SLC45A4: variants seen among roughly 807,000 people sequenced by gnomAD.
The protein encoded by SLC45A4 is polyamine-transporter SLC45A4.
SLC45A4 carries 32 observed loss-of-function variants against 63.7 expected under a neutral mutation model. The ratio of observed to expected loss-of-function variants is 0.50; its 90% CI spans 0.38 to 0.67. The LOEUF is 0.67. SLC45A4 is among the 30% of genes least tolerant of loss of function. The pLI, the probability that SLC45A4 is intolerant of heterozygous loss-of-function variation, is 0.00. For synonymous variants in SLC45A4, 535 were observed against 510.0 expected, an observed-to-expected ratio of 1.05 and a Z score of -0.66; for missense variants, 1,027 against 1,157.7, an observed-to-expected ratio of 0.89 and a Z score of 1.64.
intron 2 of SLC45A4, among the ~76,000 whole-genome samples, chr8:141,247,472 T>C (rs1828272061): frequency 6.6e-6 from 1 of 152,248 alleles, no homozygotes; most frequent in Non-Finnish European, 1.5e-5. Context: ...GTCAATTCTC[T>C]ATAGATTCAA....
intron 1 of SLC45A4, among the ~76,000 whole-genome samples, chr8:141,302,521 A>G (rs1050740117): frequency 6.6e-6 from 1 of 151,912 alleles, no homozygotes; most frequent in African/African-American, 2.4e-5. Context: ...TTTAGTAGAG[A>G]TGGTTTTGCC....
At chr8:141,238,294 T>C (rs975053179) in intron 2 of SLC45A4, among the ~76,000 whole-genome samples, 1 of 152,240 alleles carries the variant, frequency 6.6e-6, no homozygotes, top group African/African-American at 2.4e-5. Flanking sequence ...GCCCCTTTTT[T>C]TTTCACATTT....
At chr8:141,262,352 C>A (rs1261302642) in intron 1 of SLC45A4, among the ~76,000 whole-genome samples, 14 of 146,758 alleles carry the variant, frequency 9.5e-5, no homozygotes, top group East Asian at 8.1e-4. Flanking sequence ...GCAACAAAAG[C>A]CAAAATTGAC....
intron 1 of SLC45A4, among the ~76,000 whole-genome samples, chr8:141,274,160 CAG>C (rs1438241194): frequency 1.3e-5 from 2 of 151,896 alleles, no homozygotes; most frequent in Non-Finnish European, 2.9e-5. Context: ...ACCTGGGAGA[CAG>C]AGTTTACAGT....
chr8:141,300,694 C>A (rs1396274077), intron 1 of SLC45A4, among the ~76,000 whole-genome samples: 5 of 152,224 alleles, frequency 3.3e-5, no homozygotes, highest in African/African-American at 1.2e-4. Context: ...AAAGTCTGGC[C>A]ATGTCAGTCT....
chr8:141,230,425 C>A (rs939221716), intron 2 of SLC45A4: 18 of 320,786 alleles, frequency 5.6e-5, no homozygotes, highest in Non-Finnish European at 9.2e-5. Context: ...CAGGGCCCTG[C>A]ACACTCACAG....
At chr8:141,289,178 G>A (rs1019654895) in intron 1 of SLC45A4, among the ~76,000 whole-genome samples, 2 of 152,208 alleles carry the variant, frequency 1.3e-5, no homozygotes, top group Non-Finnish European at 2.9e-5. Context: ...CAGGGCGAGA[G>A]CAGAAGGGGC....
chr8:141,241,767 A>G (rs566093006), intron 2 of SLC45A4, among the ~76,000 whole-genome samples: 1 of 152,120 alleles, frequency 6.6e-6, no homozygotes, highest in African/African-American at 2.4e-5. Context: ...CAGGCCTGGG[A>G]GCCCAGCAAT....
At chr8:141,285,469 G>A (rs1411333595) in intron 1 of SLC45A4, among the ~76,000 whole-genome samples, 3 of 152,178 alleles carry the variant, frequency 2.0e-5, no homozygotes, top group Non-Finnish European at 4.4e-5. Flanking sequence ...AGGTCACGGT[G>A]TGTCATGTTT....
chr8:141,307,927 G>C (rs1372114522), intron 1 of SLC45A4, among the ~76,000 whole-genome samples, 169 bp downstream of exon 1: 1 of 147,836 alleles, frequency 6.8e-6, no homozygotes, highest in African/African-American at 2.5e-5. Context: ...CCGGGTGGGG[G>C]CACGTCCCCT....
intron 3 of SLC45A4, among the ~76,000 whole-genome samples, chr8:141,220,824 G>C (rs1203131360): frequency 6.6e-6 from 1 of 152,268 alleles, no homozygotes; most frequent in African/African-American, 2.4e-5. Flanking sequence ...CGTTGTTCCA[G>C]CAGGGAGGGG....
intron 1 of SLC45A4, among the ~76,000 whole-genome samples, chr8:141,270,648 G>T (rs1244990517): frequency 6.6e-6 from 1 of 152,176 alleles, no homozygotes; most frequent in Non-Finnish European, 1.5e-5. Context: ...TCTAGCCAGG[G>T]TGACAGAGTC....
intron 1 of SLC45A4, among the ~76,000 whole-genome samples, chr8:141,280,928 C>T (rs536696304): frequency 6.6e-6 from 1 of 152,350 alleles, no homozygotes; most frequent in Admixed American, 6.5e-5. Flanking sequence ...CCGGGCTGTG[C>T]GTCCTACACC....
At chr8:141,266,928 T>C (rs1429710835) in intron 1 of SLC45A4, among the ~76,000 whole-genome samples, 2 of 152,232 alleles carry the variant, frequency 1.3e-5, no homozygotes, top group Non-Finnish European at 2.9e-5. Context: ...AAATGAAGTA[T>C]TAATTTTCTA....
At chr8:141,285,763 C>T (rs1046343349) in intron 1 of SLC45A4, among the ~76,000 whole-genome samples, 8 of 152,202 alleles carry the variant, frequency 5.3e-5, no homozygotes, top group Non-Finnish European at 1.0e-4. Flanking sequence ...ACGCCCCGTG[C>T]CCCCTTCTGA....
chr8:141,263,265 A>G (rs1449375999), intron 1 of SLC45A4, among the ~76,000 whole-genome samples: 1 of 151,594 alleles, frequency 6.6e-6, no homozygotes, highest in African/African-American at 2.4e-5. Context: ...CCTAATGTTA[A>G]ATGACGAGTT....
intron 2 of SLC45A4, among the ~76,000 whole-genome samples, chr8:141,236,767 T>G (rs35244519): frequency 0.11 from 16,377 of 152,284 alleles, 1,119 homozygotes; most frequent in East Asian, 0.17. Context: ...TTGATACATG[T>G]TTTAGGGAAA....
chr8:141,269,288 T>C (rs1829415269), intron 1 of SLC45A4, among the ~76,000 whole-genome samples: 1 of 152,184 alleles, frequency 6.6e-6, no homozygotes, highest in East Asian at 1.9e-4. Context: ...ATAACCGTCT[T>C]TGTGCATTTT....
intron 1 of SLC45A4, among the ~76,000 whole-genome samples, chr8:141,285,683 A>G (rs1298699566): frequency 1.3e-5 from 2 of 152,224 alleles, no homozygotes; most frequent in Admixed American, 6.5e-5. Context: ...AACGAGGACC[A>G]ACAGGACAAG....
Sources: gnomAD v4.1 joint callset for allele counts (sites outside exome capture counted in the v4.1 genomes callset) on GRCh38, gnomAD v4.1.1 for gene constraint, MANE v1.5 for transcripts, NCBI Gene and HGNC (gene_info 2026-07-23, HGNC 2026-07-21) for gene names.